SFSWAP: variants seen among roughly 807,000 people sequenced by gnomAD.
SFSWAP encodes splicing factor, suppressor of white-apricot homolog.
In SFSWAP, 17 loss-of-function variants were observed where a neutral mutation model predicts 100.7. The ratio of observed to expected loss-of-function variants is 0.17; its 90% CI spans 0.12 to 0.25. The LOEUF (loss-of-function observed/expected upper bound fraction) is 0.25. SFSWAP is among the 10% of genes least tolerant of loss of function. The probability of loss-of-function intolerance (pLI) is 1.00; values close to 1 mark genes in which losing one functional copy is unlikely to be tolerated. For synonymous variants in SFSWAP, 504 were observed against 510.1 expected (o/e 0.99, Z 0.16); for missense variants, 1,005 against 1,262.6 (o/e 0.80, Z 3.09).
At chr12:131,754,526 G>A (rs769058361) in intron 9 of SFSWAP, 27 bp downstream of exon 9, 2 of 1,465,170 alleles carry the variant, frequency 1.4e-6, no homozygotes, top group African/African-American at 2.9e-5. Flanking sequence ...TATATGTTAG[G>A]TATATGGCAT....
chr12:131,773,858 A>G (rs1883805034), intron 13 of SFSWAP, among the ~76,000 whole-genome samples: 1 of 152,234 alleles, frequency 6.6e-6, no homozygotes, highest in African/African-American at 2.4e-5. Context: ...TTCCATCAGG[A>G]CAGCACAGCC....
At chr12:131,781,765 C>T (rs1884525077) in intron 14 of SFSWAP, among the ~76,000 whole-genome samples, 2 of 152,048 alleles carry the variant, frequency 1.3e-5, no homozygotes, top group Admixed American at 1.3e-4. Context: ...TCTCCATGGC[C>T]AAGGAGGTAG....
chr12:131,755,062 A>G (rs1166405715), intron 9 of SFSWAP, among the ~76,000 whole-genome samples: 1 of 152,204 alleles, frequency 6.6e-6, no homozygotes, highest in Non-Finnish European at 1.5e-5. Context: ...CCTAAAATAA[A>G]AGCCTATAAT....
chr12:131,779,840 G>C (rs1566052181), intron 14 of SFSWAP, among the ~76,000 whole-genome samples: 3 of 152,194 alleles, frequency 2.0e-5, no homozygotes, highest in African/African-American at 7.2e-5. Flanking sequence ...AGGTGGGAGT[G>C]CAATGGCACG....
In SFSWAP at chr12:131,740,905, G is replaced by T. The variant is rs570945854; in HGVS notation, c.1082-12218G>T. On this transcript the variant is annotated intron_variant, in intron 7 of 17. Transcript: ENST00000261674. ...GTTGTAGACCCATGAGTGTGGCAGG[G>T]CTTCACTAAAGCTTAATTGATGGAT... Among the ~76,000 whole-genome samples the T allele has an allele frequency of 3.3e-5, 5 of 151,248 alleles. No homozygotes were observed. In the East Asian group the frequency reaches 9.7e-4, roughly 29 times the overall value.
At chr12:131,718,118 C>T (rs990593972) in intron 3 of SFSWAP, among the ~76,000 whole-genome samples, 2 of 152,190 alleles carry the variant, frequency 1.3e-5, no homozygotes, top group East Asian at 3.9e-4. Context: ...TGTTAAATAA[C>T]TGTAACTTAA....
chr12:131,751,151 A>G (rs1228073818), intron 7 of SFSWAP, among the ~76,000 whole-genome samples: 1 of 152,206 alleles, frequency 6.6e-6, no homozygotes, highest in Non-Finnish European at 1.5e-5. Context: ...AATGGCGCTC[A>G]GCTTTGAAAA....
At chr12:131,735,242 C>T (rs1879896163) in intron 7 of SFSWAP, among the ~76,000 whole-genome samples, 1 of 152,222 alleles carries the variant, frequency 6.6e-6, no homozygotes, top group Non-Finnish European at 1.5e-5. Context: ...CATCCCTACA[C>T]GCCCGCGCCT....
At position 131,778,984 on chromosome 12, in the gene SFSWAP, C is replaced by T. The variant is rs1380646082; in HGVS notation, c.2408+654C>T. Among the ~76,000 whole-genome samples, 1 of 151,514 alleles carries T rather than the reference C, an allele frequency of 6.6e-6. No homozygotes were observed. The highest frequency in any genetic ancestry group is 2.0e-4 in the East Asian group (1 of 5,060). ...TGTTTTATTTGTATAAGTGAAGTTTCCCATGCTAATTTGTCTCAAATGTGT... is the reference window on the plus strand; with the variant it reads ...TGTTTTATTTGTATAAGTGAAGTTTTCCATGCTAATTTGTCTCAAATGTGT... On this transcript the variant is annotated intron_variant, in intron 14 of 17. Coordinates refer to ENST00000261674, the MANE Select transcript of SFSWAP (RefSeq NM_004592.4). This position sits in a 1 kb window ranked among gnomAD's most constrained non-coding sequence, Gnocchi z 4.2.
At chr12:131,772,588 A>G (rs1043297573) in intron 13 of SFSWAP, among the ~76,000 whole-genome samples, 1 of 152,186 alleles carries the variant, frequency 6.6e-6, no homozygotes, top group Non-Finnish European at 1.5e-5. Context: ...AGAGCAAAGG[A>G]ACTCTCCTCT....
intron 13 of SFSWAP, among the ~76,000 whole-genome samples, chr12:131,775,297 T>G (rs562023374): frequency 6.6e-6 from 1 of 151,634 alleles, no homozygotes; most frequent in African/African-American, 2.4e-5. Flanking sequence ...TCTCTTCAGC[T>G]CTCTCTTTGT....
At chr12:131,777,981 G>A in intron 13 of SFSWAP, 84 bp from the exon 14 acceptor site, 1 of 1,529,768 alleles carries the variant, frequency 6.5e-7, no homozygotes, top group Non-Finnish European at 8.7e-7. Context: ...TTGGTGTGAG[G>A]GGCCCAAAGT....
chr12:131,721,808 T>C (rs982562949), intron 4 of SFSWAP, among the ~76,000 whole-genome samples: 3 of 152,228 alleles, frequency 2.0e-5, no homozygotes, highest in Non-Finnish European at 4.4e-5. Context: ...TCATTAGAGT[T>C]TCTTCTAATG....
chr12:131,721,143 G>A (rs1457698056), intron 4 of SFSWAP, among the ~76,000 whole-genome samples: 6 of 152,068 alleles, frequency 3.9e-5, no homozygotes, highest in Non-Finnish European at 5.9e-5. Flanking sequence ...TGTCTATCAC[G>A]GGAGCAGCAC....
At chr12:131,795,868 A>T (rs1051256785) in intron 15 of SFSWAP, among the ~76,000 whole-genome samples, 3 of 150,106 alleles carry the variant, frequency 2.0e-5, no homozygotes, top group African/African-American at 7.4e-5. Context: ...AACGAGCGTG[A>T]GGCTGAGCCA....
chr12:131,764,807 AT>A (rs1882974485), intron 12 of SFSWAP, 121 bp downstream of exon 12: 1 of 693,302 alleles, frequency 1.4e-6, no homozygotes, highest in South Asian at 1.9e-5. Flanking sequence ...AAATCGACCT[AT>A]TTGGGAGTTG....
intron 7 of SFSWAP, among the ~76,000 whole-genome samples, chr12:131,744,999 A>G (rs1394150239): frequency 6.6e-6 from 1 of 152,224 alleles, no homozygotes; most frequent in Non-Finnish European, 1.5e-5. Context: ...GTCACCTCCT[A>G]CCAGGCTCCT....
chr12:131,739,969 A>T (rs1173067583), intron 7 of SFSWAP, among the ~76,000 whole-genome samples: 1 of 152,120 alleles, frequency 6.6e-6, no homozygotes, highest in Non-Finnish European at 1.5e-5. Context: ...GTACGTTTTT[A>T]CAAGGGCTGT....
At position 131,758,315 on chromosome 12, in the gene SFSWAP, G is replaced by A. The variant is rs184778185; in HGVS notation, c.1720+1671G>A. On this transcript the variant is annotated intron_variant, in intron 11 of 17. Coordinates refer to ENST00000261674, the MANE Select transcript of SFSWAP (RefSeq NM_004592.4). ...TCCCTGATTGTCCTAGAACCTGGCA[G>A]ATGAAACAACACACCGAGAAGTTTA... is the stretch of plus-strand genomic sequence containing the variant. 4.7e-4 allele frequency among the ~76,000 whole-genome samples: 72 copies of A among 152,258 alleles called. 1 individual carries two copies. Among genetic ancestry groups the A allele is most frequent in the Admixed American group, 4.3e-3 (65 of 15,294 alleles).
Sources: allele counts gnomAD v4.1 joint callset (sites outside exome capture counted in the v4.1 genomes callset), GRCh38; gene constraint gnomAD v4.1.1; non-coding constraint Gnocchi (gnomAD v3.1); transcripts MANE v1.5; gene names NCBI Gene and HGNC (gene_info 2026-07-23, HGNC 2026-07-21).